Variants in DLGAP4 observed in about 807,000 individuals in gnomAD.
DLGAP4 encodes DLG associated protein 4.
Under a neutral mutation model 86.9 loss-of-function variants are expected in DLGAP4, and 18 were observed. The ratio of observed to expected loss-of-function variants is 0.21; its 90% confidence interval spans 0.14 to 0.31. The LOEUF is 0.31. DLGAP4 is among the 10% of genes least tolerant of loss of function. The pLI is 1.00. For synonymous variants in DLGAP4, 548 were observed against 574.3 expected (o/e 0.95, Z 0.65); for missense variants, 1,085 against 1,362.6 (o/e 0.80, Z 3.21).
At chr20:36,370,197 G>T (rs923658271) in intron 2 of DLGAP4, among the ~76,000 whole-genome samples, 2 of 152,108 alleles carry the variant, frequency 1.3e-5, no homozygotes, top group African/African-American at 4.8e-5. Flanking sequence ...AGAGCATTTA[G>T]CTGTTTAACA....
At chr20:36,478,403 T>G (rs2035040199) in intron 7 of DLGAP4, among the ~76,000 whole-genome samples, 1 of 152,204 alleles carries the variant, frequency 6.6e-6, no homozygotes, top group South Asian at 2.1e-4. Flanking sequence ...GCAATTGATG[T>G]CACAGGTCTC....
chr20:36,428,970 G>A (rs541703671), intron 2 of DLGAP4, among the ~76,000 whole-genome samples: 1 of 152,100 alleles, frequency 6.6e-6, no homozygotes, highest in Non-Finnish European at 1.5e-5. Context: ...ATCTCTGCCA[G>A]CTTCTGAAGG....
At chr20:36,509,261 A>G (rs1318146832) in intron 10 of DLGAP4, among the ~76,000 whole-genome samples, 2 of 152,078 alleles carry the variant, frequency 1.3e-5, no homozygotes, top group Non-Finnish European at 2.9e-5. Flanking sequence ...CATGTCTACT[A>G]CAAATGAAAA....
intron 2 of DLGAP4, among the ~76,000 whole-genome samples, chr20:36,416,904 CTCTG>C (rs2032669876): frequency 6.6e-6 from 1 of 152,206 alleles, no homozygotes; most frequent in Admixed American, 6.5e-5. Flanking sequence ...CCCTTTGAGG[CTCTG>C]TCTGACTACC....
At chr20:36,410,033 CAA>C (rs11475768) in intron 2 of DLGAP4, among the ~76,000 whole-genome samples, 38 of 94,680 alleles carry the variant, frequency 4.0e-4, no homozygotes, top group Admixed American at 6.0e-4. Flanking sequence ...GACTCCGTCT[CAA>C]AAAAAAAAAA....
At chr20:36,388,329 C>G (rs1228735229) in intron 2 of DLGAP4, among the ~76,000 whole-genome samples, 1 of 152,180 alleles carries the variant, frequency 6.6e-6, no homozygotes, top group Non-Finnish European at 1.5e-5. Context: ...TTGTGTGTGT[C>G]TGTCTGGGGC....
At chr20:36,457,517 AT>A (rs764722828) in intron 7 of DLGAP4, among the ~76,000 whole-genome samples, 2 of 150,230 alleles carry the variant, frequency 1.3e-5, no homozygotes, top group Non-Finnish European at 2.9e-5. Context: ...AGTAGCTGGG[AT>A]TATAGGCACC....
intron 2 of DLGAP4, among the ~76,000 whole-genome samples, chr20:36,377,186 T>C (rs2031189738): frequency 6.6e-6 from 1 of 152,172 alleles, no homozygotes; most frequent in East Asian, 1.9e-4. Flanking sequence ...ACCTTTTGGA[T>C]ACAAAGAATT....
chr20:36,417,775 T>G (rs1189542677), intron 2 of DLGAP4, among the ~76,000 whole-genome samples: 103 of 82,708 alleles, frequency 1.2e-3, no homozygotes, highest in African/African-American at 4.0e-3. Flanking sequence ...TTTTTTTGGT[T>G]TTTTTTTTTT....
In DLGAP4 at chr20:36,502,497, A is replaced by G. The variant is rs1005843705; in HGVS notation, c.2512+1886A>G. On this transcript the variant is annotated intron_variant, in intron 10 of 12. Transcript: ENST00000339266. ...CCTGAGTAGCAAAGGACTACCACAG[A>G]GTGCCACCATGCCCAGCTAATTTTT... 1.6e-4 allele frequency among the ~76,000 whole-genome samples: 25 copies of G among 152,182 alleles called. 1 individual carries two copies. Among genetic ancestry groups the G allele is most frequent in the Admixed American group, 1.3e-3 (20 of 15,270 alleles).
intron 10 of DLGAP4, among the ~76,000 whole-genome samples, chr20:36,522,596 A>C (rs2037444769): frequency 6.6e-6 from 1 of 152,232 alleles, no homozygotes; most frequent in African/African-American, 2.4e-5. Flanking sequence ...ATCTTGGCTC[A>C]CTGCAACCTC....
chr20:36,467,057 T>TCTCTCC (rs2034434344), intron 7 of DLGAP4, among the ~76,000 whole-genome samples: 3 of 87,412 alleles, frequency 3.4e-5, no homozygotes, highest in African/African-American at 1.5e-4. Flanking sequence ...TCTCTCTCTC[T>TCTCTCC]CTCTCTCCCC....
In DLGAP4 at chr20:36,431,948, C is replaced by T; in HGVS notation, c.231C>T (p.Asn77=). 6.2e-7 allele frequency: 1 copy of T among 1,614,272 alleles called. No homozygotes were observed. Among genetic ancestry groups the T allele is most frequent in the Non-Finnish European group, 8.5e-7 (1 of 1,180,044 alleles). ...GCACCTTTCCCCGCATCCACTACAA[C>T]TCCCACTTCGAGGTGCCAGAGGAGA... ...PSSTFPRIHY[N]SHFEVPEESP... is the part of the protein sequence containing the mutation. The change falls in exon 3 of 13, where the codon AAC becomes AAT. Residue 77 remains asparagine, a synonymous_variant. Transcript: ENST00000339266. This position sits in a 1 kb window ranked among gnomAD's most constrained non-coding sequence, Gnocchi z 5.1.
At chr20:36,498,728 A>C (rs1214843275) in intron 8 of DLGAP4, 1 of 153,350 alleles carries the variant, frequency 6.5e-6, no homozygotes, top group African/African-American at 2.4e-5. Flanking sequence ...GGATGCCCTG[A>C]ACCCTTGGTG....
At chr20:36,310,156 A>G (rs2065039068) in intron 1 of DLGAP4, among the ~76,000 whole-genome samples, 1 of 147,592 alleles carries the variant, frequency 6.8e-6, no homozygotes, top group African/African-American at 2.6e-5. Context: ...CAACATAGTG[A>G]GACCCTGTCT....
chr20:36,317,264 TTTCTTTCTTTC>T (rs1183976608), intron 1 of DLGAP4, among the ~76,000 whole-genome samples: 2 of 46,038 alleles, frequency 4.3e-5, no homozygotes, highest in Admixed American at 2.8e-4. Context: ...TCTTTCTTTC[TTTCTTTCTTTC>T]TTATCTTTCT....
intron 2 of DLGAP4, among the ~76,000 whole-genome samples, chr20:36,390,729 A>G (rs1253546408): frequency 2.6e-5 from 4 of 152,074 alleles, no homozygotes; most frequent in African/African-American, 9.7e-5. Context: ...GGAGTGAACT[A>G]CCCACTTGAG....
chr20:36,413,115 G>T lies in DLGAP4; in HGVS notation c.-72-18531G>T, dbSNP rs143429495. On this transcript the variant is annotated intron_variant, in intron 2 of 12. Transcript: ENST00000339266. Reference sequence around the variant, plus strand: ...GTGCCTCAGCCTTCTGAGTAGCTGGGGTTACAGGCGTGTGCCACCACACCT... The same window carrying T: ...GTGCCTCAGCCTTCTGAGTAGCTGGTGTTACAGGCGTGTGCCACCACACCT... Among the ~76,000 whole-genome samples the T allele has an allele frequency of 2.0e-3, 303 of 151,310 alleles. 2 individuals are homozygous for T. The highest frequency in any genetic ancestry group is 0.011 in the East Asian group (57 of 5,062).
chr20:36,311,770 G>T (rs1270391908), intron 1 of DLGAP4, among the ~76,000 whole-genome samples: 2 of 152,328 alleles, frequency 1.3e-5, no homozygotes, highest in Middle Eastern at 3.4e-3. Context: ...AAGTGGAGGT[G>T]CCAGGGTTTG....
Sources: gnomAD v4.1 joint callset for allele counts (sites outside exome capture counted in the v4.1 genomes callset) on GRCh38, gnomAD v4.1.1 for gene constraint, Gnocchi (gnomAD v3.1) non-coding constraint, MANE v1.5 for transcripts, NCBI Gene and HGNC (gene_info 2026-07-23, HGNC 2026-07-21) for gene names.